The following TRAPPC6B variants were observed in gnomAD, a reference collection of about 807,000 sequenced individuals.
TRAPPC6B encodes TRAPP complex subunit 6B.
TRAPPC6B carries 27 observed loss-of-function variants against 24.7 expected under a neutral mutation model. That is an observed-to-expected ratio of 1.09 (90% CI 0.81 to 1.51). The LOEUF is 1.51. TRAPPC6B is among the 40% of genes most tolerant of loss of function. The pLI is 0.00. For synonymous variants in TRAPPC6B, 80 were observed against 66.6 expected, an observed-to-expected ratio of 1.20 and a Z score of -0.98; for missense variants, 212 against 190.8, an observed-to-expected ratio of 1.11 and a Z score of -0.66.
chr14:39,159,780 C>G (rs1348964231), intron 1 of TRAPPC6B, among the ~76,000 whole-genome samples: 1 of 151,796 alleles, frequency 6.6e-6, no homozygotes, highest in Non-Finnish European at 1.5e-5. Context: ...ATAATTTAGT[C>G]AACATATACA....
intron 3 of TRAPPC6B, chr14:39,157,173 AT>A (rs2052991880): frequency 3.7e-6 from 1 of 272,814 alleles, no homozygotes; most frequent in African/African-American, 2.3e-5. Context: ...AGGCCTAAGA[AT>A]TCTGGCATTG....
chr14:39,167,511 A>C (rs1292093835), intron 1 of TRAPPC6B, among the ~76,000 whole-genome samples: 1 of 152,208 alleles, frequency 6.6e-6, no homozygotes, highest in Non-Finnish European at 1.5e-5. Flanking sequence ...ATGTCTGAAA[A>C]AAATCTCTAA....
In TRAPPC6B at chr14:39,149,871, T is replaced by C. The variant is rs2052893631; in HGVS notation, c.*479A>G. 6.6e-6 allele frequency: 1 copy of C among 152,600 alleles called. No individual in the cohort carries two copies. The highest frequency in any genetic ancestry group is 1.5e-5 in the Non-Finnish European group (1 of 68,344). The allele number at this position is 152,600 out of a possible 1,614,324, so 9.5% of individuals were successfully genotyped here. On this transcript the variant is annotated 3_prime_UTR_variant, in exon 6 of 6. Coordinates refer to ENST00000330149, the MANE Select transcript of TRAPPC6B (RefSeq NM_001079537.2). ...ACACACATACAATGTATATATGAAA[T>C]CCTTATACAGGTGTAAACATTCTTA... is the stretch of plus-strand genomic sequence containing the variant.
intron 1 of TRAPPC6B, among the ~76,000 whole-genome samples, chr14:39,168,304 G>A (rs958312688): frequency 2.2e-4 from 34 of 151,970 alleles, no homozygotes; most frequent in Admixed American, 1.3e-3. Flanking sequence ...GGTTTGGGGG[G>A]ATCGGGGGTT....
chr14:39,165,631 CA>C (rs150302814), intron 1 of TRAPPC6B, among the ~76,000 whole-genome samples: 11,689 of 151,532 alleles, frequency 0.077, 470 homozygotes, highest in African/African-American at 0.11. Context: ...TCTGTTTCTA[CA>C]AAAAAAAATT....
At chr14:39,167,133 C>T in intron 1 of TRAPPC6B, among the ~76,000 whole-genome samples, 1 of 152,206 alleles carries the variant, frequency 6.6e-6, no homozygotes, top group South Asian at 2.1e-4. Context: ...GCTACTTGTT[C>T]ATGCACTTTT....
chr14:39,153,393 C>T (rs2052937554), intron 4 of TRAPPC6B, among the ~76,000 whole-genome samples: 1 of 151,740 alleles, frequency 6.6e-6, no homozygotes, highest in Non-Finnish European at 1.5e-5. Flanking sequence ...ACTGGGAGGC[C>T]GAGGTGAGGT....
rs141322850 is a variant in TRAPPC6B, at chr14:39,165,047, C to CTT, written c.81+4966_81+4967dup. On this transcript the variant is annotated intron_variant, in intron 1 of 5. Coordinates refer to ENST00000330149, the MANE Select transcript of TRAPPC6B (RefSeq NM_001079537.2). The stretch of plus-strand genomic sequence containing the variant: ...TGTGCTATTCCCTAGACTTCACATT[C>CTT]TTTTTTTTTTTTTTTTGAGACGGAG... Among the ~76,000 whole-genome samples, 244 of 138,808 alleles carry CTT rather than the reference C, an allele frequency of 1.8e-3. 1 individual carries two copies. Among genetic ancestry groups the CTT allele is most frequent in the African/African-American group, 5.8e-3 (219 of 37,742 alleles). 91.1% of individuals were successfully genotyped at this position (138,808 alleles called of 152,430 possible).
rs2052895839 is a variant in TRAPPC6B at position 39,150,140 on chromosome 14, A to C, written c.*210T>G. Reference sequence around the variant, plus strand: ...CTGCATCTTGGTGTCTGGTTATTTGAAATCCGGTTTTCATTTTGAATAGTT... The same window carrying C: ...CTGCATCTTGGTGTCTGGTTATTTGCAATCCGGTTTTCATTTTGAATAGTT... On this transcript the variant is annotated 3_prime_UTR_variant, in exon 6 of 6. Transcript: ENST00000330149. 2.1e-6 allele frequency: 1 copy of C among 467,716 alleles called. No homozygotes were observed. The highest frequency in any genetic ancestry group is 4.3e-5 in the Admixed American group (1 of 23,108). 29.0% of individuals were successfully genotyped at this position (467,716 alleles called of 1,614,324 possible). A position where few individuals can be genotyped will look rare whatever the true frequency, so the allele number is the denominator to read the frequency against.
intron 3 of TRAPPC6B, among the ~76,000 whole-genome samples, chr14:39,158,007 C>T (rs897554424): frequency 6.6e-6 from 1 of 152,044 alleles, no homozygotes; most frequent in Non-Finnish European, 1.5e-5. Flanking sequence ...ACTAAGGAAC[C>T]AAATAGTAAA....
chr14:39,168,970 C>CTAACT (rs1196676268), intron 1 of TRAPPC6B, among the ~76,000 whole-genome samples: 32 of 152,324 alleles, frequency 2.1e-4, no homozygotes, highest in Admixed American at 1.9e-3. Flanking sequence ...ACAAAGCTTT[C>CTAACT]TAACTTCACC....
intron 1 of TRAPPC6B, among the ~76,000 whole-genome samples, chr14:39,160,446 A>G (rs1173896241): frequency 6.6e-6 from 1 of 152,072 alleles, no homozygotes; most frequent in Non-Finnish European, 1.5e-5. Context: ...TGGGCATGGT[A>G]GCATGTGCCA....
Position 39,158,297 on chromosome 14 carries a change from C to T in TRAPPC6B, c.255G>A (p.Arg85=), listed in dbSNP as rs771423402. 6.3e-7 allele frequency: 1 copy of T among 1,575,426 alleles called. No homozygotes were observed. The highest frequency in any genetic ancestry group is 1.2e-5 in the South Asian group (1 of 86,160). Residue 85 remains arginine (R), a synonymous_variant, in exon 3 of 6, where the codon AGG becomes AGA. Coordinates refer to ENST00000330149, the MANE Select transcript of TRAPPC6B (RefSeq NM_001079537.2). ...TVFKKQIDNL[R]TNHQGIYVLQ... is the part of the protein sequence containing the mutation. ...TTAATTTAATTACCTGATGATTTGT[C>T]CTTAGATTGTCGATTTGTTTCTTGA...
chr14:39,170,319 G>C lies in TRAPPC6B; in HGVS notation c.-224C>G. The C allele has an allele frequency of 1.8e-6, 1 of 561,908 alleles. No homozygotes were observed. Among genetic ancestry groups the C allele is most frequent in the Non-Finnish European group, 3.1e-6 (1 of 319,860 alleles). The allele number at this position is 561,908 out of a possible 1,614,324, so 34.8% of individuals were successfully genotyped here. A position where few individuals can be genotyped will look rare whatever the true frequency, so the allele number is the denominator to read the frequency against. ...CACTTCGGGGCTACCAAATCCTAGGGCCGAACTAAAGTCTGACGGGAGCTC... is the reference window on the plus strand; with the variant it reads ...CACTTCGGGGCTACCAAATCCTAGGCCCGAACTAAAGTCTGACGGGAGCTC... On this transcript the variant is annotated 5_prime_UTR_variant, in exon 1 of 6. Coordinates refer to ENST00000330149, the MANE Select transcript of TRAPPC6B (RefSeq NM_001079537.2).
chr14:39,169,591 T>G (rs1018580971), intron 1 of TRAPPC6B, among the ~76,000 whole-genome samples: 1 of 152,080 alleles, frequency 6.6e-6, no homozygotes, highest in African/African-American at 2.4e-5. Context: ...TTGTGTGGAG[T>G]TGTACTGAGC....
At chr14:39,158,524 A>ATT in intron 2 of TRAPPC6B, 122 bp from the exon 3 acceptor site, 1 of 642,690 alleles carries the variant, frequency 1.6e-6, no homozygotes, top group Non-Finnish European at 2.6e-6. Flanking sequence ...TTTTAATTTT[A>ATT]ATTTTTTTTT....
chr14:39,151,021 G>A (rs1315912924), intron 5 of TRAPPC6B, among the ~76,000 whole-genome samples: 1 of 152,102 alleles, frequency 6.6e-6, no homozygotes, highest in Non-Finnish European at 1.5e-5. Context: ...GATCTTTAGG[G>A]AGACATTTAG....
chr14:39,155,757 G>A (rs191543989), intron 3 of TRAPPC6B, among the ~76,000 whole-genome samples: 150 of 151,952 alleles, frequency 9.9e-4, no homozygotes, highest in African/African-American at 3.1e-3. Flanking sequence ...GGCTGGTCTC[G>A]AACTCCTGAC....
At chr14:39,162,123 C>G (rs1053799457) in intron 1 of TRAPPC6B, among the ~76,000 whole-genome samples, 1 of 152,146 alleles carries the variant, frequency 6.6e-6, no homozygotes, top group African/African-American at 2.4e-5. Context: ...CCGCAGTGTC[C>G]AAGCTAAGAA....
Sources: gnomAD v4.1 joint callset for allele counts (sites outside exome capture counted in the v4.1 genomes callset) on GRCh38, gnomAD v4.1.1 for gene constraint, MANE v1.5 for transcripts, NCBI Gene and HGNC (gene_info 2026-07-23, HGNC 2026-07-21) for gene names.